EYS: variants seen among roughly 807,000 people sequenced by gnomAD.
EYS encodes the protein protein eyes shut homolog.
Under a neutral mutation model 282.1 loss-of-function variants are expected in EYS, and 250 were observed. The observed-to-expected ratio is 0.89, with a 90% CI of 0.80 to 0.98. EYS has a LOEUF of 0.98. Ranked by LOEUF, EYS falls within the 50% of genes least tolerant of loss-of-function variation. EYS has a pLI of 0.00. For missense variants in EYS, 4,016 were observed against 3,709.0 expected (o/e 1.08, Z -2.15); for synonymous variants, 1,355 against 1,282.9 (o/e 1.06, Z -1.20).
At chr6:63,823,926 A>G (rs560233556) in intron 36 of EYS, among the ~76,000 whole-genome samples, 20 of 152,174 alleles carry the variant, frequency 1.3e-4, no homozygotes, top group African/African-American at 4.3e-4. Context: ...CTTTCCTCCA[A>G]TTTTGTCTAG....
intron 2 of EYS, among the ~76,000 whole-genome samples, chr6:65,638,641 C>T (rs1167033082): frequency 6.6e-6 from 1 of 152,232 alleles, no homozygotes; most frequent in South Asian, 2.1e-4. Context: ...ACAGAGCCCG[C>T]ACCTGTGCCG....
rs34663169 is a variant in EYS at position 64,249,063 on chromosome 6, C to CAAAA, written c.6192-18243_6192-18240dup. Among the ~76,000 whole-genome samples the CAAAA allele has an allele frequency of 7.0e-3, 493 of 70,020 alleles. 31 individuals are homozygous for CAAAA. Among genetic ancestry groups the CAAAA allele is most frequent in the African/African-American group, 0.031 (444 of 14,202 alleles). 45.9% of individuals were successfully genotyped at this position (70,020 alleles called of 152,430 possible). A position where few individuals can be genotyped will look rare whatever the true frequency, so the allele number is the denominator to read the frequency against. ...TGGGCTACAGAGTGACACCCTGTCT[C>CAAAA]AAAAAAAAAAAAAAAAAAAAAAGAT... is the stretch of plus-strand genomic sequence containing the variant. On this transcript the variant is annotated intron_variant, in intron 30 of 42. Transcript: ENST00000503581.
intron 30 of EYS, among the ~76,000 whole-genome samples, chr6:64,299,083 T>TAA (rs1254856041): frequency 6.6e-6 from 1 of 152,162 alleles, no homozygotes; most frequent in East Asian, 1.9e-4. Flanking sequence ...TGCAAAAGCC[T>TAA]AAGGATAGGG....
Position 64,310,078 on chromosome 6 carries a change from A to AAAAAAAC in EYS, c.6079-2997_6079-2996insGTTTTTT, listed in dbSNP as rs1554142131. On this transcript the variant is annotated intron_variant, in intron 29 of 42. Coordinates refer to ENST00000503581, the MANE Select transcript of EYS (RefSeq NM_001142800.2). ...TTAAAAGTAAAAAAAATAAAAAAAA[A>AAAAAAAC]AATAACAGATGCTGGCAAGATTGTG... Among the ~76,000 whole-genome samples, 624 of 145,098 alleles carry AAAAAAAC rather than the reference A, an allele frequency of 4.3e-3. 8 individuals are homozygous for AAAAAAAC. Among genetic ancestry groups the AAAAAAAC allele is most frequent in the African/African-American group, 0.015 (564 of 38,584 alleles).
At chr6:64,964,493 G>T (rs989232837) in intron 14 of EYS, among the ~76,000 whole-genome samples, 1 of 151,884 alleles carries the variant, frequency 6.6e-6, no homozygotes, top group East Asian at 1.9e-4. Flanking sequence ...CCTGTCCACT[G>T]AGATAATTCG....
At chr6:65,079,818 T>C (rs572851498) in intron 12 of EYS, among the ~76,000 whole-genome samples, 2 of 152,046 alleles carry the variant, frequency 1.3e-5, no homozygotes, top group Non-Finnish European at 1.5e-5. Context: ...CCACCTCCCT[T>C]ATTGTTTCCC....
At chr6:64,321,295 C>A (rs1179758667) in intron 29 of EYS, among the ~76,000 whole-genome samples, 1 of 151,690 alleles carries the variant, frequency 6.6e-6, no homozygotes, top group Non-Finnish European at 1.5e-5. Flanking sequence ...TGAATCTACT[C>A]TAAACTGAAT....
chr6:65,161,731 T>G (rs78624417), intron 12 of EYS, among the ~76,000 whole-genome samples: 4,035 of 151,232 alleles, frequency 0.027, 140 homozygotes, highest in African/African-American at 0.08. Flanking sequence ...CTATATTCAT[T>G]TACAAACAAC....
At chr6:64,759,655 T>A (rs1019642045) in intron 22 of EYS, among the ~76,000 whole-genome samples, 1 of 152,108 alleles carries the variant, frequency 6.6e-6, no homozygotes, top group Non-Finnish European at 1.5e-5. Context: ...TAAAAATATA[T>A]TTAAAATCAA....
At chr6:65,410,064 T>A (rs1582256110) in intron 5 of EYS, among the ~76,000 whole-genome samples, 1 of 152,054 alleles carries the variant, frequency 6.6e-6, no homozygotes, top group African/African-American at 2.4e-5. Context: ...CAAATATTGA[T>A]ATTTGATTAG....
chr6:64,752,399 G>A (rs1370862594), intron 22 of EYS, among the ~76,000 whole-genome samples: 1 of 151,984 alleles, frequency 6.6e-6, no homozygotes, highest in Non-Finnish European at 1.5e-5. Context: ...AGACCAAGCA[G>A]AAGAAAGAAT....
At chr6:65,251,154 G>T (rs566007187) in intron 12 of EYS, among the ~76,000 whole-genome samples, 81 of 150,864 alleles carry the variant, frequency 5.4e-4, no homozygotes, top group African/African-American at 1.9e-3. Flanking sequence ...GATATAGGTA[G>T]TGTCAAGTGG....
At chr6:64,292,614 T>C (rs140309263) in intron 30 of EYS, among the ~76,000 whole-genome samples, 1 of 152,174 alleles carries the variant, frequency 6.6e-6, no homozygotes, top group Non-Finnish European at 1.5e-5. Flanking sequence ...TATATTTATA[T>C]TTACATCTTT....
chr6:64,824,200 G>T (rs1356336057), intron 19 of EYS, among the ~76,000 whole-genome samples: 1 of 151,854 alleles, frequency 6.6e-6, no homozygotes, highest in Non-Finnish European at 1.5e-5. Context: ...TTGGTCATAT[G>T]ACATAAAATA....
At chr6:64,830,273 C>A (rs924152237) in intron 19 of EYS, among the ~76,000 whole-genome samples, 1 of 151,856 alleles carries the variant, frequency 6.6e-6, no homozygotes, top group Admixed American at 6.6e-5. Flanking sequence ...AAATAAATTT[C>A]TGTTATTTAT....
intron 22 of EYS, among the ~76,000 whole-genome samples, chr6:64,642,919 C>T (rs1391597357): frequency 6.6e-6 from 1 of 152,160 alleles, no homozygotes; most frequent in Non-Finnish European, 1.5e-5. Context: ...AGTTCGAGAC[C>T]AGCATGACCA....
Position 64,146,411 on chromosome 6 carries a change from G to A in EYS, c.6425-64409C>T, listed in dbSNP as rs116136674. ...AACATATTTAAAAGAAATATTAGAG[G>A]CTTTCCAAAATTTGTTACAATCTAA... On this transcript the variant is annotated intron_variant, in intron 31 of 42. Transcript: ENST00000503581. Among the ~76,000 whole-genome samples the A allele has an allele frequency of 7.3e-3, 1,109 of 152,250 alleles. 23 individuals are homozygous for A. Among genetic ancestry groups the A allele is most frequent in the African/African-American group, 0.025 (1,021 of 41,566 alleles).
chr6:64,614,860 C>T (rs1767221590), intron 24 of EYS, among the ~76,000 whole-genome samples: 1 of 152,072 alleles, frequency 6.6e-6, no homozygotes, highest in South Asian at 2.1e-4. Context: ...GAACGTATGT[C>T]ACTCTCGTAC....
chr6:65,178,412 A>C (rs1474886316), intron 12 of EYS, among the ~76,000 whole-genome samples: 1 of 151,958 alleles, frequency 6.6e-6, no homozygotes, highest in East Asian at 2.0e-4. Flanking sequence ...TGAAGTAAAG[A>C]GAATGGGGGG....
Sources: allele counts gnomAD v4.1 joint callset (sites outside exome capture counted in the v4.1 genomes callset), GRCh38; gene constraint gnomAD v4.1.1; transcripts MANE v1.5; gene names NCBI Gene and HGNC (gene_info 2026-07-23, HGNC 2026-07-21).